MACROD2: variants seen among roughly 807,000 people sequenced by gnomAD.
MACROD2 encodes the protein ADP-ribose glycohydrolase MACROD2.
MACROD2 carries 36 observed loss-of-function variants against 70.4 expected under a neutral mutation model. That is an observed-to-expected ratio of 0.51 (90% CI 0.39 to 0.68). MACROD2 has a LOEUF of 0.68. Ranked by LOEUF, MACROD2 falls within the 30% of genes least tolerant of loss-of-function variation. The pLI, the probability that MACROD2 is intolerant of heterozygous loss-of-function variation, is 0.00. For missense variants in MACROD2, 496 were observed against 538.4 expected, an observed-to-expected ratio of 0.92 and a Z score of 0.78; for synonymous variants, 172 against 178.8, an observed-to-expected ratio of 0.96 and a Z score of 0.30.
intron 8 of MACROD2, among the ~76,000 whole-genome samples, chr20:15,847,725 G>C (rs1202519630): frequency 6.6e-6 from 1 of 152,202 alleles, no homozygotes; most frequent in Non-Finnish European, 1.5e-5. Context: ...AATAATCTTA[G>C]TGGATACCTG....
Position 15,899,564 on chromosome 20 carries a change from T to C in MACROD2, c.775+13753T>C, listed in dbSNP as rs73597711. Reference sequence around the variant, plus strand: ...AAACAAGAACTAAATGGACTATATGTTGCTAAGTTCAGTAGCATGTTTCAA... The same window carrying C: ...AAACAAGAACTAAATGGACTATATGCTGCTAAGTTCAGTAGCATGTTTCAA... On this transcript the variant is annotated intron_variant, in intron 10 of 17. Coordinates refer to ENST00000684519, the MANE Select transcript of MACROD2 (RefSeq NM_001351661.2). 3.9e-3 allele frequency among the ~76,000 whole-genome samples: 591 copies of C among 152,338 alleles called. 2 individuals carry two copies. Among genetic ancestry groups the C allele is most frequent in the South Asian group, 0.023 (113 of 4,832 alleles).
chr20:15,141,649 A>AT (rs1230827905), intron 5 of MACROD2, among the ~76,000 whole-genome samples: 3 of 152,004 alleles, frequency 2.0e-5, no homozygotes, highest in Non-Finnish European at 4.4e-5. Context: ...TATCTGGATG[A>AT]TTTTTTCCCT....
intron 3 of MACROD2, among the ~76,000 whole-genome samples, chr20:14,098,510 G>A (rs1468903804): frequency 1.3e-5 from 2 of 152,136 alleles, no homozygotes; most frequent in Non-Finnish European, 2.9e-5. Flanking sequence ...TTTAATAGCT[G>A]AGCATGATTT....
intron 3 of MACROD2, among the ~76,000 whole-genome samples, chr20:14,172,566 A>T (rs2148725265): frequency 6.6e-6 from 1 of 152,224 alleles, no homozygotes; most frequent in Admixed American, 6.5e-5. Context: ...CGGCCTCCCA[A>T]AATGCTGGGA....
At chr20:14,995,337 A>T (rs1035315930) in intron 5 of MACROD2, among the ~76,000 whole-genome samples, 26 of 152,096 alleles carry the variant, frequency 1.7e-4, no homozygotes, top group Non-Finnish European at 3.2e-4. Context: ...CATATGAAAA[A>T]TTAGACGTAA....
At chr20:15,006,272 A>G (rs1054028019) in intron 5 of MACROD2, among the ~76,000 whole-genome samples, 7 of 151,884 alleles carry the variant, frequency 4.6e-5, no homozygotes, top group Non-Finnish European at 8.8e-5. Context: ...AAATAGATCC[A>G]TGACCTCACT....
chr20:15,968,796 CGTATATATATATATATATATAT>C (rs1382819523), intron 13 of MACROD2, among the ~76,000 whole-genome samples: 3 of 50,214 alleles, frequency 6.0e-5, no homozygotes, highest in African/African-American at 1.7e-4. Context: ...ATATATTATG[CGTATATATATATATATATATAT>C]ATATATATAT....
At chr20:14,463,833 C>T (rs574067278) in intron 3 of MACROD2, among the ~76,000 whole-genome samples, 5 of 151,868 alleles carry the variant, frequency 3.3e-5, no homozygotes, top group East Asian at 3.9e-4. Flanking sequence ...TGCTGGATTA[C>T]GTTTATTGAT....
At chr20:14,491,071 C>T (rs1043221435) in intron 3 of MACROD2, among the ~76,000 whole-genome samples, 1 of 152,112 alleles carries the variant, frequency 6.6e-6, no homozygotes, top group African/African-American at 2.4e-5. Context: ...ATTTTAGACA[C>T]ACAAAAGTCA....
At chr20:15,156,389 C>A (rs548180097) in intron 5 of MACROD2, among the ~76,000 whole-genome samples, 1 of 152,132 alleles carries the variant, frequency 6.6e-6, no homozygotes, top group South Asian at 2.1e-4. Context: ...GTAATAGAAG[C>A]AGTAGCTTTC....
chr20:15,518,366 G>A lies in MACROD2; in HGVS notation c.645+18519G>A, dbSNP rs560325979. On this transcript the variant is annotated intron_variant, in intron 8 of 17. Transcript: ENST00000684519. The stretch of plus-strand genomic sequence containing the variant: ...TAGCTTGTGAATGATTTATTTTGTA[G>A]CAGCAGAGCCAATTGACAATAGCGG... Among the ~76,000 whole-genome samples, 7 of 152,332 alleles carry A rather than the reference G, an allele frequency of 4.6e-5. No individual in the cohort carries two copies. The South Asian group carries it at 1.2e-3, about 27-fold the overall frequency.
chr20:15,746,782 A>G (rs182762443), intron 8 of MACROD2, among the ~76,000 whole-genome samples: 107 of 152,114 alleles, frequency 7.0e-4, no homozygotes, highest in Admixed American at 3.3e-3. Flanking sequence ...CTAATGTGCT[A>G]ATGAACTTGT....
In MACROD2 at chr20:14,879,063, A is replaced by G. The variant is rs150638808; in HGVS notation, c.418+194104A>G. ...TTTGTGCTTCTGTGGTTTTCACCTTACTCATCTCTGTTGTACTGACAAATG... is the reference window on the plus strand; with the variant it reads ...TTTGTGCTTCTGTGGTTTTCACCTTGCTCATCTCTGTTGTACTGACAAATG... On this transcript the variant is annotated intron_variant, in intron 5 of 17. Transcript: ENST00000684519. 3.9e-3 allele frequency among the ~76,000 whole-genome samples: 594 copies of G among 151,888 alleles called. 7 individuals carry two copies. The highest frequency in any genetic ancestry group is 0.014 in the African/African-American group (580 of 41,428).
intron 3 of MACROD2, among the ~76,000 whole-genome samples, chr20:14,273,402 C>A (rs943180437): frequency 4.7e-5 from 7 of 149,934 alleles, no homozygotes; most frequent in Non-Finnish European, 5.9e-5. Flanking sequence ...CTACTGGGTA[C>A]ATAACGAAAT....
At chr20:15,458,624 T>TG (rs1421712431) in intron 7 of MACROD2, among the ~76,000 whole-genome samples, 2 of 142,320 alleles carry the variant, frequency 1.4e-5, no homozygotes, top group African/African-American at 5.1e-5. Flanking sequence ...TTTTTGTTTT[T>TG]TTGTTTTTTT....
chr20:15,739,997 A>T (rs2051080260), intron 8 of MACROD2, among the ~76,000 whole-genome samples: 1 of 152,212 alleles, frequency 6.6e-6, no homozygotes, highest in Non-Finnish European at 1.5e-5. Context: ...CTGTAAACAA[A>T]TTCCTAATTT....
intron 4 of MACROD2, among the ~76,000 whole-genome samples, chr20:14,511,758 C>T (rs1320538831): frequency 1.2e-4 from 1 of 8,598 alleles, no homozygotes; most frequent in Non-Finnish European, 1.6e-3. Context: ...AAGTTGCTGA[C>T]AGAAAAAAAA....
intron 5 of MACROD2, among the ~76,000 whole-genome samples, chr20:14,944,937 G>A (rs1205072969): frequency 6.6e-6 from 1 of 152,016 alleles, no homozygotes; most frequent in East Asian, 1.9e-4. Context: ...TTGTGGAAAC[G>A]CCAATTCCTG....
chr20:15,045,719 GTTT>G (rs71335981), intron 5 of MACROD2, among the ~76,000 whole-genome samples: 4,670 of 73,434 alleles, frequency 0.064, 245 homozygotes, highest in African/African-American at 0.19. Flanking sequence ...CCAGACCAGG[GTTT>G]TTTTTTTTTT....
Sources: gnomAD v4.1 joint callset for allele counts (sites outside exome capture counted in the v4.1 genomes callset) on GRCh38, gnomAD v4.1.1 for gene constraint, MANE v1.5 for transcripts, NCBI Gene and HGNC (gene_info 2026-07-23, HGNC 2026-07-21) for gene names.